Variants in NT5C2 observed in about 807,000 individuals in gnomAD.
NT5C2 encodes the protein 5'-nucleotidase, cytosolic II, also known as cytosolic purine 5'-nucleotidase.
A neutral mutation model predicts 76.1 loss-of-function variants in NT5C2; 58 were observed. The observed-to-expected ratio is 0.76, with a 90% CI of 0.62 to 0.95. The LOEUF (loss-of-function observed/expected upper bound fraction) is 0.95, where lower values mean the gene tolerates loss of function less well. NT5C2 is among the 40% of genes least tolerant of loss of function. NT5C2 has a pLI of 0.00. For synonymous variants in NT5C2, 229 were observed against 237.4 expected (o/e 0.96, Z 0.32); for missense variants, 478 against 690.3 (o/e 0.69, Z 3.45).
intron 4 of NT5C2, among the ~76,000 whole-genome samples, chr10:103,125,655 G>C (rs2076522811): frequency 6.6e-6 from 1 of 152,084 alleles, no homozygotes; most frequent in African/African-American, 2.4e-5. Context: ...TCTGGATTTA[G>C]TATTATAAAA....
At chr10:103,138,289 T>G (rs1352351196) in intron 4 of NT5C2, among the ~76,000 whole-genome samples, 1 of 152,190 alleles carries the variant, frequency 6.6e-6, no homozygotes, top group Non-Finnish European at 1.5e-5. Flanking sequence ...TGTTTTTTGT[T>G]AAGTTCTGGG....
chr10:103,115,202 A>C (rs1038139897), intron 4 of NT5C2, among the ~76,000 whole-genome samples: 6 of 152,242 alleles, frequency 3.9e-5, no homozygotes, highest in African/African-American at 7.2e-5. Flanking sequence ...GGAGTTCCAG[A>C]CCTGCCTGGG....
intron 4 of NT5C2, among the ~76,000 whole-genome samples, chr10:103,120,493 A>T (rs2075441774): frequency 6.6e-6 from 1 of 152,250 alleles, no homozygotes; most frequent in South Asian, 2.1e-4. Flanking sequence ...TCTCCAAAGA[A>T]GTTATATAAC....
intron 4 of NT5C2, among the ~76,000 whole-genome samples, chr10:103,129,635 G>GC (rs1266291097): frequency 2.9e-5 from 2 of 68,560 alleles, no homozygotes; most frequent in South Asian, 4.8e-4. Context: ...GGGGGGGTCA[G>GC]CCCCCCCGCC....
chr10:103,119,109 C>T (rs919035159), intron 4 of NT5C2, among the ~76,000 whole-genome samples: 1 of 152,088 alleles, frequency 6.6e-6, no homozygotes, highest in Admixed American at 6.6e-5. Flanking sequence ...GTGGCTCACA[C>T]CTGTAATCCC....
At chr10:103,140,286 G>A (rs1440201579) in intron 3 of NT5C2, 3 of 152,092 alleles carry the variant, frequency 2.0e-5, no homozygotes, top group Non-Finnish European at 4.4e-5. Flanking sequence ...TTCCACATGT[G>A]AAATCATGCA....
chr10:103,139,497 AAAT>A lies in NT5C2; in HGVS notation c.102-21_102-19del. ...CAAACACCCTATAGAAAATAATAAA[AAAT>A]AATATCTCAACACTGGAAAATAAAT... On this transcript the variant is annotated intron_variant, in intron 3 of 18. Transcript: ENST00000404739. 1 of 1,466,518 alleles carries A rather than the reference AAAT, an allele frequency of 6.8e-7. No individual in the cohort carries two copies. Among genetic ancestry groups the A allele is most frequent in the South Asian group, 1.3e-5 (1 of 79,864 alleles). 90.8% of individuals were successfully genotyped at this position (1,466,518 alleles called of 1,614,324 possible).
At chr10:103,115,042 G>A (rs2073998266) in intron 4 of NT5C2, among the ~76,000 whole-genome samples, 1 of 152,238 alleles carries the variant, frequency 6.6e-6, no homozygotes, top group African/African-American at 2.4e-5. Context: ...TAAGCAGAAA[G>A]GAGATAATGA....
chr10:103,101,319 T>G lies in NT5C2; in HGVS notation c.397A>C (p.Thr133Pro). 2 of 1,585,044 alleles carry G rather than the reference T, an allele frequency of 1.3e-6. No homozygotes were observed. Residue 133 changes from threonine (T) to proline (P), a missense_variant, in exon 7 of 19, where the codon ACT (threonine) becomes CCT (proline). Thr to Pro is a conservative substitution (Grantham distance 38, BLOSUM62 -1). Transcript: ENST00000404739. ...HGFNFIRGPE[T>P]REQYPNKFIQ... ...AATTTATTTGGATACTGTTCTCTAG[T>G]TTCTGGTCTGAAAGAAAAATTTAAA...
intron 1 of NT5C2, among the ~76,000 whole-genome samples, chr10:103,191,678 G>A (rs1756978258): frequency 6.6e-6 from 1 of 152,006 alleles, no homozygotes. Context: ...CCTTTGAACT[G>A]AAAGGAATCT....
At chr10:103,129,365 G>C (rs1422710463) in intron 4 of NT5C2, among the ~76,000 whole-genome samples, 8 of 109,790 alleles carry the variant, frequency 7.3e-5, no homozygotes, top group Non-Finnish European at 1.4e-4. Context: ...TCAGCTCTCC[G>C]CCCGGCCAGC....
chr10:103,184,081 T>A (rs1000587513), intron 1 of NT5C2, among the ~76,000 whole-genome samples: 6 of 152,034 alleles, frequency 3.9e-5, no homozygotes, highest in Non-Finnish European at 7.4e-5. Context: ...GCCTCCCAAG[T>A]AGCTGGGATT....
chr10:103,136,339 T>C (rs1591333616), intron 4 of NT5C2, among the ~76,000 whole-genome samples: 1 of 152,168 alleles, frequency 6.6e-6, no homozygotes, highest in Admixed American at 6.6e-5. Context: ...ATATGTAAAA[T>C]GGAGATGATA....
At chr10:103,187,637 C>T (rs186864441) in intron 1 of NT5C2, among the ~76,000 whole-genome samples, 81 of 151,402 alleles carry the variant, frequency 5.3e-4, no homozygotes, top group Admixed American at 3.6e-3. Context: ...CTGTTAAATG[C>T]TTATTAAAAT....
intron 10 of NT5C2, chr10:103,097,961 G>A (rs1009402635): frequency 2.2e-5 from 11 of 498,298 alleles, no homozygotes; most frequent in Admixed American, 9.5e-5. Flanking sequence ...AAATTCTCCC[G>A]GACCCTCCCC....
intron 1 of NT5C2, among the ~76,000 whole-genome samples, chr10:103,188,728 G>A (rs1169348884): frequency 6.6e-6 from 1 of 152,120 alleles, no homozygotes; most frequent in Non-Finnish European, 1.5e-5. Context: ...TGGGCTGGGC[G>A]CAGTGGCTTA....
chr10:103,167,820 CG>C (rs976973618), intron 3 of NT5C2, among the ~76,000 whole-genome samples: 1 of 151,806 alleles, frequency 6.6e-6, no homozygotes, highest in Non-Finnish European at 1.5e-5. Context: ...TTGGTAAAGA[CG>C]GGGTTTGCCA....
intron 3 of NT5C2, among the ~76,000 whole-genome samples, chr10:103,141,381 C>A (rs2080394867): frequency 6.6e-6 from 1 of 152,120 alleles, no homozygotes; most frequent in Non-Finnish European, 1.5e-5. Flanking sequence ...TTGCTTGAGT[C>A]TACGAGATCA....
At chr10:103,138,150 T>C (rs2079646749) in intron 4 of NT5C2, among the ~76,000 whole-genome samples, 1 of 152,158 alleles carries the variant, frequency 6.6e-6, no homozygotes, top group South Asian at 2.1e-4. Context: ...GTCATGGAGT[T>C]TCAATGACTT....
Sources: gnomAD v4.1 joint callset for allele counts (sites outside exome capture counted in the v4.1 genomes callset) on GRCh38, gnomAD v4.1.1 for gene constraint, MANE v1.5 for transcripts, NCBI Gene and HGNC (gene_info 2026-07-23, HGNC 2026-07-21) for gene names.